The following NUP133 variants were observed in gnomAD, a reference collection of about 807,000 sequenced individuals.
NUP133 encodes nucleoporin 133, also known as nuclear pore complex protein Nup133.
NUP133 carries 66 observed loss-of-function variants against 146.2 expected under a neutral mutation model. That is an observed-to-expected ratio of 0.45 (90% CI 0.37 to 0.55). The LOEUF (loss-of-function observed/expected upper bound fraction) is 0.55, where lower values mean the gene tolerates loss of function less well. NUP133 is among the 20% of genes least tolerant of loss of function. NUP133 has a pLI of 0.00. For synonymous variants in NUP133, 521 were observed against 498.8 expected, an observed-to-expected ratio of 1.04 and a Z score of -0.59; for missense variants, 1,277 against 1,374.8, an observed-to-expected ratio of 0.93 and a Z score of 1.12.
Position 229,441,802 on chromosome 1 carries a change from CAT to C in NUP133, c.*100_*101del. The C allele has an allele frequency of 3.2e-6, 3 of 931,316 alleles. No individual in the cohort carries two copies. The highest frequency in any genetic ancestry group is 3.2e-6 in the Non-Finnish European group (2 of 625,626). The allele number at this position is 931,316 out of a possible 1,614,324, so 57.7% of individuals were successfully genotyped here. On this transcript the variant is annotated 3_prime_UTR_variant, in exon 26 of 26. Coordinates refer to ENST00000261396, the MANE Select transcript of NUP133 (RefSeq NM_018230.3). The stretch of plus-strand genomic sequence containing the variant: ...TATAAAGTATAAAAACTCAGCTATA[CAT>C]GTTATGAAATTGTACAAACTTACAC...
intron 11 of NUP133, 64 bp from the exon 12 acceptor site, chr1:229,484,209 A>C: frequency 8.6e-7 from 1 of 1,159,152 alleles, no homozygotes; most frequent in African/African-American, 1.5e-5. Flanking sequence ...TATTGGACTA[A>C]AAACTGCACC....
chr1:229,455,565 A>AAAAT (rs1321967809), intron 21 of NUP133, among the ~76,000 whole-genome samples: 6 of 152,330 alleles, frequency 3.9e-5, no homozygotes, highest in African/African-American at 1.4e-4. Flanking sequence ...TGTCTCAGAG[A>AAAAT]AAATAAATAA....
chr1:229,505,711 A>C, intron 2 of NUP133, among the ~76,000 whole-genome samples: 1 of 152,072 alleles, frequency 6.6e-6, no homozygotes, highest in East Asian at 1.9e-4. Context: ...ACATGGTGAA[A>C]CCCTGTCTCT....
chr1:229,490,655 G>GT (rs2102777927), intron 8 of NUP133, among the ~76,000 whole-genome samples: 1 of 152,276 alleles, frequency 6.6e-6, no homozygotes, highest in Admixed American at 6.5e-5. Context: ...ACTAAATTGT[G>GT]TATCTGTCAA....
chr1:229,487,838 ATTTT>A (rs10565327), intron 9 of NUP133, among the ~76,000 whole-genome samples: 41 of 118,148 alleles, frequency 3.5e-4, no homozygotes, highest in Admixed American at 4.6e-4. Flanking sequence ...TGCTTTTTTA[ATTTT>A]TTTTTTTTTT....
Position 229,470,724 on chromosome 1 carries a change from G to C in NUP133, c.1932C>G (p.Ala644=), listed in dbSNP as rs374819603. The change falls in exon 15 of 26, where the codon GCC becomes GCG. Residue 644 remains alanine, a synonymous_variant. Transcript: ENST00000261396. ...MATRLLLCEH[A]EKLSAAIVLK... ...GAACAATGGCGGCTGACAGCTTTTC[G>C]GCATGCTCACAGAGCAACAGTCGAG... is the stretch of plus-strand genomic sequence containing the variant. The C allele has an allele frequency of 1.1e-5, 17 of 1,614,152 alleles. No homozygotes were observed. The African/African-American group carries it at 1.7e-4, about 16-fold the overall frequency.
chr1:229,475,593 G>C (rs1311253987), intron 14 of NUP133, 45 bp downstream of exon 14: 2 of 1,405,182 alleles, frequency 1.4e-6, no homozygotes, highest in Non-Finnish European at 2.0e-6. Context: ...GTGTTGGAGA[G>C]ACTGCCAAAG....
chr1:229,452,856 A>G (rs1216233632), intron 21 of NUP133, among the ~76,000 whole-genome samples: 3 of 152,206 alleles, frequency 2.0e-5, no homozygotes, highest in Non-Finnish European at 4.4e-5. Flanking sequence ...TCAAAGTCCT[A>G]AGAATTATCA....
At chr1:229,501,928 T>G in intron 3 of NUP133, 71 bp downstream of exon 3, 1 of 1,124,590 alleles carries the variant, frequency 8.9e-7, no homozygotes, top group Non-Finnish European at 1.3e-6. Flanking sequence ...GTAAAAAAAT[T>G]AGGGTAAAAA....
At chr1:229,448,189 G>T (rs1269400540) in intron 24 of NUP133, among the ~76,000 whole-genome samples, 1 of 152,212 alleles carries the variant, frequency 6.6e-6, no homozygotes, top group Non-Finnish European at 1.5e-5. Flanking sequence ...AGCATTTTGG[G>T]AGGCTGAGGT....
Position 229,508,189 on chromosome 1 carries a change from C to T in NUP133, c.61G>A (p.Ala21Thr), listed in dbSNP as rs776998916. 1.3e-6 allele frequency: 2 copies of T among 1,578,516 alleles called. No individual in the cohort carries two copies. Among genetic ancestry groups the T allele is most frequent in the African/African-American group, 2.7e-5 (2 of 73,264 alleles). The change falls in exon 1 of 26, where the codon GCC (alanine) becomes ACC (threonine). Residue 21 changes from alanine to threonine, a missense_variant. Physicochemically the swap from Ala to Thr is moderately conservative, Grantham distance 58. This residue lies in a region of NUP133 where 319 missense variants were observed against 306.9 expected (regional missense o/e 1.04). Coordinates refer to ENST00000261396, the MANE Select transcript of NUP133 (RefSeq NM_018230.3). ...GGCGTGGAGCCGGGCCCGAGTCCGG[C>T]CAGCGGGCCCCTTCGGGACCCGGTA... ...PGTGSRRGPL[A>T]GLGPGSTPRT...
chr1:229,489,600 G>A (rs1469804366), intron 9 of NUP133, among the ~76,000 whole-genome samples: 1 of 152,224 alleles, frequency 6.6e-6, no homozygotes, highest in African/African-American at 2.4e-5. Flanking sequence ...GCCACGCAAG[G>A]TGGCTCACAC....
intron 8 of NUP133, among the ~76,000 whole-genome samples, chr1:229,491,552 G>C (rs1558105519): frequency 6.6e-6 from 1 of 152,156 alleles, no homozygotes; most frequent in African/African-American, 2.4e-5. Context: ...GCCGAGGTGG[G>C]CATATCACTT....
chr1:229,441,754 C>T lies in NUP133; in HGVS notation c.*150G>A. 2 of 637,672 alleles carry T rather than the reference C, an allele frequency of 3.1e-6. No individual in the cohort carries two copies. Among genetic ancestry groups the T allele is most frequent in the Non-Finnish European group, 5.2e-6 (2 of 387,434 alleles). 39.5% of individuals were successfully genotyped at this position (637,672 alleles called of 1,614,324 possible). ...GAAAACCAAAATCACAGTTACATAA[C>T]TATTTTATATTAGCTTCCTACATAT... On this transcript the variant is annotated 3_prime_UTR_variant, in exon 26 of 26. Transcript: ENST00000261396.
At chr1:229,444,060 T>C (rs1220800689) in intron 25 of NUP133, among the ~76,000 whole-genome samples, 1 of 152,018 alleles carries the variant, frequency 6.6e-6, no homozygotes, top group Non-Finnish European at 1.5e-5. Flanking sequence ...CAGCTGGGCG[T>C]GGTGGCTCAT....
intron 1 of NUP133, among the ~76,000 whole-genome samples, chr1:229,507,719 A>G (rs554081084): frequency 1.3e-5 from 2 of 152,218 alleles, no homozygotes; most frequent in Non-Finnish European, 2.9e-5. Flanking sequence ...CCTCTGGCTC[A>G]GGTGAGATAT....
At chr1:229,450,036 C>G (rs145199835) in intron 23 of NUP133, among the ~76,000 whole-genome samples, 4,040 of 150,194 alleles carry the variant, frequency 0.027, 148 homozygotes, top group African/African-American at 0.084. Flanking sequence ...CGCCACCATA[C>G]CCATCTAATT....
intron 4 of NUP133, among the ~76,000 whole-genome samples, chr1:229,500,451 T>A (rs1429878397): frequency 1.3e-5 from 2 of 152,208 alleles, no homozygotes; most frequent in Non-Finnish European, 2.9e-5. Flanking sequence ...TCATTTGTAA[T>A]TTTAAAATTA....
At chr1:229,503,623 A>G (rs1208747042) in intron 2 of NUP133, among the ~76,000 whole-genome samples, 3 of 152,286 alleles carry the variant, frequency 2.0e-5, no homozygotes, top group African/African-American at 7.2e-5. Context: ...AGTAAAAGGC[A>G]TAGACAATGT....
Sources: allele counts gnomAD v4.1 joint callset (sites outside exome capture counted in the v4.1 genomes callset), GRCh38; gene constraint gnomAD v4.1.1; regional missense constraint gnomAD v4.1.1; transcripts MANE v1.5; gene names NCBI Gene and HGNC (gene_info 2026-07-23, HGNC 2026-07-21).